The following DIS3L2 variants were observed in gnomAD, a reference collection of about 807,000 sequenced individuals.
DIS3L2 encodes DIS3 like 3'-5' exoribonuclease 2.
In DIS3L2, 34 loss-of-function variants were observed where a neutral mutation model predicts 97.5. The ratio of observed to expected loss-of-function variants is 0.35; its 90% CI spans 0.27 to 0.46. The LOEUF (loss-of-function observed/expected upper bound fraction) is 0.46, where lower values mean the gene tolerates loss of function less well. Ranked by LOEUF, DIS3L2 falls within the 20% of genes least tolerant of loss-of-function variation. The pLI, the probability that DIS3L2 is intolerant of heterozygous loss-of-function variation, is 1.00. For synonymous variants in DIS3L2, 435 were observed against 445.2 expected (o/e 0.98, Z 0.29); for missense variants, 1,038 against 1,146.0 (o/e 0.91, Z 1.36).
At chr2:232,215,430 C>T (rs912731170) in intron 10 of DIS3L2, among the ~76,000 whole-genome samples, 3 of 152,206 alleles carry the variant, frequency 2.0e-5, no homozygotes, top group Non-Finnish European at 4.4e-5. Flanking sequence ...GCCTAAGGGG[C>T]CTCTGGGGTG....
At chr2:232,081,345 C>G (rs1182869987) in intron 5 of DIS3L2, among the ~76,000 whole-genome samples, 2 of 152,190 alleles carry the variant, frequency 1.3e-5, no homozygotes, top group African/African-American at 2.4e-5. Context: ...TATTACCTCT[C>G]TGGTCCACCC....
intron 16 of DIS3L2, among the ~76,000 whole-genome samples, chr2:232,331,380 C>T (rs528092013): frequency 2.0e-5 from 3 of 152,276 alleles, no homozygotes; most frequent in South Asian, 2.1e-4. Context: ...GCTGATGGGT[C>T]GGCTCTGGGT....
chr2:232,175,090 A>G (rs1008668748), intron 9 of DIS3L2, among the ~76,000 whole-genome samples: 1 of 152,126 alleles, frequency 6.6e-6, no homozygotes, highest in African/African-American at 2.4e-5. Flanking sequence ...CGGCCTCCCA[A>G]AGTGCTGGGA....
chr2:232,305,461 T>C (rs1694963246), intron 14 of DIS3L2, among the ~76,000 whole-genome samples: 1 of 152,218 alleles, frequency 6.6e-6, no homozygotes, highest in African/African-American at 2.4e-5. Flanking sequence ...TTAATTTTTT[T>C]GGTGTCCTAG....
intron 6 of DIS3L2, among the ~76,000 whole-genome samples, chr2:232,095,729 G>A (rs534313775): frequency 1.9e-4 from 29 of 152,134 alleles, no homozygotes; most frequent in Non-Finnish European, 2.6e-4. Context: ...TCCCTTTAGC[G>A]TTTCTTCTAG....
intron 14 of DIS3L2, 28 bp from the exon 15 acceptor site, chr2:232,329,785 T>TGCCGGGGGGGGGGGG: frequency 1.0e-6 from 1 of 967,142 alleles, no homozygotes; most frequent in Non-Finnish European, 1.5e-6. Flanking sequence ...ACCCCAGCGG[T>TGCCGGGGGGGGGGGG]CCCTCCCATC....
intron 13 of DIS3L2, among the ~76,000 whole-genome samples, chr2:232,342,691 G>A (rs193281684): frequency 3.9e-5 from 6 of 152,310 alleles, no homozygotes; most frequent in Admixed American, 1.3e-4. Context: ...AGAAGGCTGC[G>A]TATGGTCTTC....
At position 232,324,047 on chromosome 2, in the gene DIS3L2, C is replaced by T. The variant is rs182344127; in HGVS notation, c.1740-5766C>T. Among the ~76,000 whole-genome samples the T allele has an allele frequency of 5.3e-4, 80 of 152,324 alleles. No individual in the cohort carries two copies. In the East Asian group the frequency reaches 0.015, roughly 29 times the overall value. On this transcript the variant is annotated intron_variant, in intron 14 of 20. Transcript: ENST00000325385. ...CTGCCTCCCAGGGCTCTGCGGTTTCCACCACACTACACTCAATTTCCAGCT... is the reference window on the plus strand; with the variant it reads ...CTGCCTCCCAGGGCTCTGCGGTTTCTACCACACTACACTCAATTTCCAGCT...
At chr2:232,290,234 C>T (rs879689765) in intron 13 of DIS3L2, among the ~76,000 whole-genome samples, 7 of 152,368 alleles carry the variant, frequency 4.6e-5, no homozygotes, top group South Asian at 2.1e-4. Flanking sequence ...ATGTGACACA[C>T]GCAGACTTGC....
rs571780482 is a variant in DIS3L2, at chr2:232,143,810, C to G, written c.950+7091C>G. Among the ~76,000 whole-genome samples the G allele has an allele frequency of 4.6e-5, 7 of 152,116 alleles. No individual in the cohort carries two copies. The South Asian group carries it at 6.2e-4, about 14-fold the overall frequency. On this transcript the variant is annotated intron_variant, in intron 8 of 20. Transcript: ENST00000325385. ...ACATCACCAATACTGTTCAAGTTCC[C>G]TGTCTGTTCTCCTGTATCCTAAACC...
Position 231,975,556 on chromosome 2 carries a change from T to G in DIS3L2, c.-94+13791T>G, listed in dbSNP as rs112657048. Reference sequence around the variant, plus strand: ...TCTCTACTAAAAAAATGCAAAAAAGTTAGCCAGGCGTGGTGGCAGGCACCT... The same window carrying G: ...TCTCTACTAAAAAAATGCAAAAAAGGTAGCCAGGCGTGGTGGCAGGCACCT... On this transcript the variant is annotated intron_variant, in intron 1 of 20. Coordinates refer to ENST00000325385, the MANE Select transcript of DIS3L2 (RefSeq NM_152383.5). Among the ~76,000 whole-genome samples, 648 of 151,662 alleles carry G rather than the reference T, an allele frequency of 4.3e-3. 6 individuals carry two copies. The highest frequency in any genetic ancestry group is 0.014 in the African/African-American group (592 of 41,378).
chr2:232,252,444 C>T (rs542209270), intron 12 of DIS3L2, among the ~76,000 whole-genome samples: 1 of 152,298 alleles, frequency 6.6e-6, no homozygotes, highest in South Asian at 2.1e-4. Flanking sequence ...GAAGAGGACG[C>T]TAAGCTGGAT....
At chr2:232,110,654 G>A (rs192254515) in intron 6 of DIS3L2, among the ~76,000 whole-genome samples, 1 of 152,252 alleles carries the variant, frequency 6.6e-6, no homozygotes, top group Admixed American at 6.5e-5. Flanking sequence ...AAGATGAGAA[G>A]GCATGGACAC....
rs180938245 is a variant in DIS3L2 at position 232,087,786 on chromosome 2, T to G, written c.601+65T>G. On this transcript the variant is annotated intron_variant, in intron 6 of 20. Transcript: ENST00000325385. ...ACTGATTAAGTATTGGAATTCCCTC[T>G]CTGCTGCAGAGTAAATAACACAATG... 47 of 1,282,228 alleles carry G rather than the reference T, an allele frequency of 3.7e-5. 1 individual carries two copies. In the Middle Eastern group the frequency reaches 1.1e-3, roughly 30 times the overall value. 79.4% of individuals were successfully genotyped at this position (1,282,228 alleles called of 1,614,324 possible).
chr2:232,238,429 G>T lies in DIS3L2; in HGVS notation c.1205-104G>T, dbSNP rs1296644715. On this transcript the variant is annotated intron_variant, in intron 10 of 20. Coordinates refer to ENST00000325385, the MANE Select transcript of DIS3L2 (RefSeq NM_152383.5). ...GACTAGATGTGTCACCTAACTGCAGGTCCTGTGGCCTCTGGGAGTGACATA... is the reference window on the plus strand; with the variant it reads ...GACTAGATGTGTCACCTAACTGCAGTTCCTGTGGCCTCTGGGAGTGACATA... The T allele has an allele frequency of 9.0e-6, 8 of 885,776 alleles. No individual in the cohort carries two copies. The African/African-American group carries it at 1.3e-4, about 15-fold the overall frequency. 54.9% of individuals were successfully genotyped at this position (885,776 alleles called of 1,614,324 possible).
chr2:232,079,639 A>C (rs932626860), intron 5 of DIS3L2, among the ~76,000 whole-genome samples: 3 of 151,596 alleles, frequency 2.0e-5, no homozygotes, highest in Non-Finnish European at 4.4e-5. Flanking sequence ...AAGAAAAGAA[A>C]GTAAAGCTGG....
intron 5 of DIS3L2, among the ~76,000 whole-genome samples, chr2:232,075,599 A>G (rs1696163858): frequency 6.6e-6 from 1 of 152,086 alleles, no homozygotes; most frequent in Non-Finnish European, 1.5e-5. Context: ...TAGTCTCCAG[A>G]CCTACATTTC....
At position 232,337,124 on chromosome 2, in the gene DIS3L2, C is replaced by G. The variant is rs566141999; in HGVS notation, c.*494C>G. The G allele has an allele frequency of 9.9e-7, 1 of 1,011,098 alleles. No individual in the cohort carries two copies. Among genetic ancestry groups the G allele is most frequent in the Non-Finnish European group, 1.2e-6 (1 of 847,888 alleles). The allele number at this position is 1,011,098 out of a possible 1,614,324, so 62.6% of individuals were successfully genotyped here. On this transcript the variant is annotated 3_prime_UTR_variant, in exon 21 of 21. Transcript: ENST00000325385. ...CTGTCAGTTCCAACACGATTCAGAG[C>G]TGGCTGCCTGGCAGATGATTGATAC...
chr2:232,025,777 G>A (rs189941749), intron 4 of DIS3L2, among the ~76,000 whole-genome samples: 23 of 152,308 alleles, frequency 1.5e-4, no homozygotes, highest in Middle Eastern at 3.4e-3. Flanking sequence ...GGAAGGTGCT[G>A]TGTTGGAGAC....
Sources: allele counts gnomAD v4.1 joint callset (sites outside exome capture counted in the v4.1 genomes callset), GRCh38; gene constraint gnomAD v4.1.1; transcripts MANE v1.5; gene names NCBI Gene and HGNC (gene_info 2026-07-23, HGNC 2026-07-21).